ESPL1: variants seen among roughly 807,000 people sequenced by gnomAD.
ESPL1 encodes extra spindle pole bodies like 1, separase.
Under a neutral mutation model 217.2 loss-of-function variants are expected in ESPL1, and 50 were observed. The observed-to-expected ratio is 0.23, with a 90% CI of 0.18 to 0.29. ESPL1 has a LOEUF of 0.29. Among genes scored for constraint, ESPL1 ranks in the 10% least tolerant of loss-of-function variants. The pLI is 1.00. For synonymous variants in ESPL1, 994 were observed against 1,081.3 expected, an observed-to-expected ratio of 0.92 and a Z score of 1.58; for missense variants, 1,834 against 2,603.0, an observed-to-expected ratio of 0.70 and a Z score of 6.43.
Position 53,271,172 on chromosome 12 carries a change from G to GGTTTT in ESPL1, c.1369+374_1369+375insGTTTT, listed in dbSNP as rs371461220. 3.2e-3 allele frequency among the ~76,000 whole-genome samples: 375 copies of GGTTTT among 117,732 alleles called. 55 individuals are homozygous for GGTTTT. The highest frequency in any genetic ancestry group is 3.9e-3 in the Non-Finnish European group (238 of 60,340). 77.2% of individuals were successfully genotyped at this position (117,732 alleles called of 152,430 possible). A position where few individuals can be genotyped will look rare whatever the true frequency, so the allele number is the denominator to read the frequency against. On this transcript the variant is annotated intron_variant, in intron 5 of 30. Transcript: ENST00000257934. ...AAATGACCTTTCTGTATATTTAAGT[G>GGTTTT]TTTTTTTTTTTTTTTTTTTGAGACA... is the stretch of plus-strand genomic sequence containing the variant.
rs1944047234 is a variant in ESPL1 at position 53,290,975 on chromosome 12, T to C, written c.5499T>C (p.Tyr1833=). ...QELLQDCGWK[Y]PDRTLLKIML... ...TGCTACAGGACTGTGGCTGGAAATA[T>C]CCTGACCGCACTCTGCTGAAAGTGA... Residue 1833 remains tyrosine (Y), a synonymous_variant, in exon 25 of 31, where the codon TAT becomes TAC. Transcript: ENST00000257934. 2 of 1,597,218 alleles carry C rather than the reference T, an allele frequency of 1.3e-6. No individual in the cohort carries two copies. Among genetic ancestry groups the C allele is most frequent in the East Asian group, 2.3e-5 (1 of 44,216 alleles).
chr12:53,274,754 C>T lies in ESPL1; in HGVS notation c.1507-63C>T. On this transcript the variant is annotated intron_variant, in intron 6 of 30. Coordinates refer to ENST00000257934, the MANE Select transcript of ESPL1 (RefSeq NM_012291.5). ...TGTATGTACCTATTGCATGCATATC[C>T]CCTTCCACCATACACACTCACTGGT... The T allele has an allele frequency of 3.6e-6, 5 of 1,378,446 alleles. No individual in the cohort carries two copies. In the South Asian group the frequency reaches 4.8e-5, roughly 13 times the overall value. 85.4% of individuals were successfully genotyped at this position (1,378,446 alleles called of 1,614,324 possible). A position where few individuals can be genotyped will look rare whatever the true frequency, so the allele number is the denominator to read the frequency against.
At chr12:53,285,709 A>G (rs189603199) in intron 17 of ESPL1, among the ~76,000 whole-genome samples, 1 of 149,132 alleles carries the variant, frequency 6.7e-6, no homozygotes, top group African/African-American at 2.5e-5. Flanking sequence ...ACTCCATCTC[A>G]AAAAAAAAAG....
At chr12:53,279,987 G>A (rs978644673) in intron 12 of ESPL1, 121 bp downstream of exon 12, 6 of 1,123,566 alleles carry the variant, frequency 5.3e-6, no homozygotes, top group Non-Finnish European at 6.2e-6. Flanking sequence ...ACAACTGGCT[G>A]GAGAATTGTG....
intron 18 of ESPL1, chr12:53,287,301 T>C (rs1428906042): frequency 6.2e-6 from 1 of 161,630 alleles, no homozygotes; most frequent in East Asian, 1.8e-4. Flanking sequence ...CTTGATCTCC[T>C]GACTTCGTGA....
At chr12:53,283,031 G>T in intron 14 of ESPL1, 98 bp from the exon 15 acceptor site, 1 of 1,500,330 alleles carries the variant, frequency 6.7e-7, no homozygotes, top group Non-Finnish European at 9.2e-7. Context: ...CTGCCTTAAT[G>T]CAGAAGGAAG....
In ESPL1 at chr12:53,286,457, G is replaced by A. The variant is rs145542764; in HGVS notation, c.3721G>A (p.Glu1241Lys). The A allele has an allele frequency of 3.9e-5, 63 of 1,614,198 alleles. No individual in the cohort carries two copies. In the Middle Eastern group the frequency reaches 4.9e-4, roughly 13 times the overall value. ...GGAGGGCCTGAACCAGCCATCAAACGAGAGCCTGCAGAAGGTTCTACAGTC... is the reference window on the plus strand; with the variant it reads ...GGAGGGCCTGAACCAGCCATCAAACAAGAGCCTGCAGAAGGTTCTACAGTC... ...ALEGLNQPSN[E>K]SLQKVLQSGL... Residue 1241 changes from glutamate (E) to lysine (K), a missense_variant, in exon 18 of 31, where the codon GAG (glutamate) becomes AAG (lysine). By Grantham distance (56) the Glu-to-Lys change is moderately conservative. Transcript: ENST00000257934. This position sits in a 1 kb window ranked among gnomAD's most constrained non-coding sequence, Gnocchi z 5.3.
chr12:53,268,414 C>A, intron 1 of ESPL1, 37 bp downstream of exon 1: 1 of 270,190 alleles, frequency 3.7e-6, no homozygotes, highest in Non-Finnish European at 7.1e-6. Context: ...TGGGTACGTG[C>A]TGAAGTGAAG....
chr12:53,286,528 G>A lies in ESPL1; in HGVS notation c.3792G>A (p.Trp1264Ter). The A allele has an allele frequency of 6.2e-7, 1 of 1,614,146 alleles. No homozygotes were observed. Among genetic ancestry groups the A allele is most frequent in the Non-Finnish European group, 8.5e-7 (1 of 1,180,024 alleles). Residue 1264 changes from tryptophan to a stop codon, truncating the protein, a stop_gained, in exon 18 of 31, where the codon TGG becomes TGA. Coordinates refer to ENST00000257934, the MANE Select transcript of ESPL1 (RefSeq NM_012291.5). LOFTEE classifies it high-confidence loss of function. This position sits in a 1 kb window ranked among gnomAD's most constrained non-coding sequence, Gnocchi z 5.3. ...CACGGATACCCCACCTAGAGCCCTG[G>A]CGAGCCAGCCTGCTCTTGATTTGGG... ...VAARIPHLEPWRASLLLIWAL... is the reference protein window; with the variant it reads ...VAARIPHLEP
intron 17 of ESPL1, among the ~76,000 whole-genome samples, chr12:53,284,623 C>T (rs1250520649): frequency 1.3e-5 from 2 of 152,116 alleles, no homozygotes; most frequent in African/African-American, 2.4e-5. Flanking sequence ...TTTAGTCCAA[C>T]CATTGGTCTC....
chr12:53,288,270 AACTG>A lies in ESPL1; in HGVS notation c.4482_4485del (p.Asp1495ThrfsTer5). ...ATCATGAGGACCATCCCTGAGGAAG[AACTG>A]ACTGACAACTGGAGAAAAATGAGCT... On this transcript the variant is annotated frameshift_variant, in exon 19 of 31. Transcript: ENST00000257934. LOFTEE classifies it high-confidence loss of function. 6.2e-7 allele frequency: 1 copy of A among 1,607,262 alleles called. No individual in the cohort carries two copies. Among genetic ancestry groups the A allele is most frequent in the Non-Finnish European group, 8.5e-7 (1 of 1,177,498 alleles).
At position 53,282,568 on chromosome 12, in the gene ESPL1, C is replaced by T; in HGVS notation, c.2791+133C>T. 1.3e-6 allele frequency: 1 copy of T among 763,610 alleles called. No homozygotes were observed. Among genetic ancestry groups the T allele is most frequent in the Admixed American group, 2.6e-5 (1 of 38,112 alleles). 47.3% of individuals were successfully genotyped at this position (763,610 alleles called of 1,614,324 possible). On this transcript the variant is annotated intron_variant, in intron 14 of 30. Coordinates refer to ENST00000257934, the MANE Select transcript of ESPL1 (RefSeq NM_012291.5). This position sits in a 1 kb window ranked among gnomAD's most constrained non-coding sequence, Gnocchi z 4.0. ...TACCTAGAACCTGCACAGAGTAGGC[C>T]TGGGATAGCAGATGGGTTTCAGTTT... is the stretch of plus-strand genomic sequence containing the variant.
Position 53,279,852 on chromosome 12 carries a change from C to G in ESPL1, c.2485C>G (p.Pro829Ala). Reference protein sequence around the residue: ...ITQLLLTLGCPSYAQLHLEEA... With the variant: ...ITQLLLTLGCASYAQLHLEEA... Reference sequence around the variant, plus strand: ...CCAGCTCCTCCTGACCCTCGGCTGTCCCAGCTATGCCCAGGTGAGTGCCCA... The same window carrying G: ...CCAGCTCCTCCTGACCCTCGGCTGTGCCAGCTATGCCCAGGTGAGTGCCCA... Residue 829 changes from proline to alanine, a missense_variant, in exon 12 of 31, where the codon CCC (proline) becomes GCC (alanine). By Grantham distance (27) the Pro-to-Ala change is conservative. This residue lies in a region of ESPL1 where 746 missense variants were observed against 1,077.0 expected (regional missense o/e 0.69). Transcript: ENST00000257934. 1.3e-6 allele frequency: 2 copies of G among 1,596,998 alleles called. No individual in the cohort carries two copies. Among genetic ancestry groups the G allele is most frequent in the East Asian group, 2.3e-5 (1 of 44,384 alleles).
intron 18 of ESPL1, 138 bp from the exon 19 acceptor site, chr12:53,287,834 A>C: frequency 1.3e-6 from 1 of 797,504 alleles, no homozygotes; most frequent in Non-Finnish European, 2.0e-6. Flanking sequence ...GTTGGCTGTC[A>C]TGTGAGAAGT....
intron 16 of ESPL1, 62 bp downstream of exon 16, chr12:53,283,600 T>C (rs755583556): frequency 1.9e-5 from 28 of 1,495,410 alleles, no homozygotes; most frequent in Non-Finnish European, 2.5e-5. Context: ...CCCTTGAACA[T>C]GGATTCCAAA....
At chr12:53,285,833 ATATAT>A in intron 17 of ESPL1, 86 bp from the exon 18 acceptor site, 1 of 952,188 alleles carries the variant, frequency 1.1e-6, no homozygotes, top group Middle Eastern at 3.3e-4. Flanking sequence ...TATAAAACAC[ATATAT>A]TAGAGAATTG....
At chr12:53,284,662 A>G (rs1943916048) in intron 17 of ESPL1, among the ~76,000 whole-genome samples, 1 of 152,012 alleles carries the variant, frequency 6.6e-6, no homozygotes, top group Non-Finnish European at 1.5e-5. Flanking sequence ...TCCCAGACTT[A>G]CCCTAGTTCT....
chr12:53,273,620 G>A (rs536344274), intron 6 of ESPL1, among the ~76,000 whole-genome samples: 85 of 151,034 alleles, frequency 5.6e-4, no homozygotes, highest in African/African-American at 2.0e-3. Flanking sequence ...TTAGCCAGGC[G>A]TGGTGGCATG....
chr12:53,291,873 G>A lies in ESPL1; in HGVS notation c.5691+13G>A, dbSNP rs1029906769. 3 of 1,584,932 alleles carry A rather than the reference G, an allele frequency of 1.9e-6. No homozygotes were observed. The highest frequency in any genetic ancestry group is 2.7e-5 in the African/African-American group (2 of 74,498). ...GGTCCTAGACAAGGTAAGGAGCTGGGGCAGAGGGGCAGTGTCTAGTGGGGA... is the reference window on the plus strand; with the variant it reads ...GGTCCTAGACAAGGTAAGGAGCTGGAGCAGAGGGGCAGTGTCTAGTGGGGA... On this transcript the variant is annotated intron_variant, in intron 26 of 30. Transcript: ENST00000257934.
Sources: gnomAD v4.1 joint callset for allele counts (sites outside exome capture counted in the v4.1 genomes callset) on GRCh38, gnomAD v4.1.1 for gene constraint, gnomAD v4.1.1 regional missense constraint, Gnocchi (gnomAD v3.1) non-coding constraint, MANE v1.5 for transcripts, NCBI Gene and HGNC (gene_info 2026-07-23, HGNC 2026-07-21) for gene names.